CATSPERT: variants seen among roughly 807,000 people sequenced by gnomAD.
The protein encoded by CATSPERT is catsper channel auxiliary subunit tau, also known as cation channel sperm-associated targeting subunit tau.
the CATSPERT span, among the ~76,000 whole-genome samples, chr2:201,590,053 T>C: frequency 6.6e-6 from 1 of 152,090 alleles, no homozygotes; most frequent in East Asian, 1.9e-4. Context: ...GTTACATATG[T>C]ATACATGTGC....
chr2:201,519,519 G>A, the CATSPERT span, among the ~76,000 whole-genome samples: 1 of 151,714 alleles, frequency 6.6e-6, no homozygotes, highest in Non-Finnish European at 1.5e-5. Context: ...CTAGCATAAG[G>A]AAATATATAA....
At chr2:201,595,643 C>T in the CATSPERT span, among the ~76,000 whole-genome samples, 29 of 151,320 alleles carry the variant, frequency 1.9e-4, no homozygotes, top group Non-Finnish European at 3.7e-4. Context: ...GCAGTCTGCC[C>T]GTTCTCAGAT....
chr2:201,546,744 C>T, the CATSPERT span, among the ~76,000 whole-genome samples: 1 of 152,122 alleles, frequency 6.6e-6, no homozygotes, highest in African/African-American at 2.4e-5. Context: ...AAACAGGAAA[C>T]TATGACACAG....
the CATSPERT span, among the ~76,000 whole-genome samples, chr2:201,606,035 A>G: frequency 1.3e-5 from 2 of 152,244 alleles, no homozygotes; most frequent in African/African-American, 2.4e-5. Context: ...AATGAGATAG[A>G]GAAAGAAGCA....
the CATSPERT span, among the ~76,000 whole-genome samples, chr2:201,503,146 T>C: frequency 6.6e-6 from 1 of 152,250 alleles, no homozygotes; most frequent in African/African-American, 2.4e-5. Context: ...CTTAACATTC[T>C]GTTCTATCAT....
chr2:201,556,078 T>C, the CATSPERT span: 1 of 152,200 alleles, frequency 6.6e-6, no homozygotes, highest in Non-Finnish European at 1.5e-5. Flanking sequence ...AATAAAACAA[T>C]AGAAGCTTAA....
chr2:201,584,652 G>A, the CATSPERT span, among the ~76,000 whole-genome samples: 5 of 151,852 alleles, frequency 3.3e-5, no homozygotes, highest in African/African-American at 7.2e-5. Context: ...GCATGGTGTC[G>A]CACGCCTGTA....
the CATSPERT span, among the ~76,000 whole-genome samples, chr2:201,565,131 C>T: frequency 4.0e-5 from 6 of 151,860 alleles, no homozygotes; most frequent in Non-Finnish European, 5.9e-5. Context: ...ACGAGACCTA[C>T]GAAATACACT....
the CATSPERT span, among the ~76,000 whole-genome samples, chr2:201,508,336 T>G: frequency 6.6e-6 from 1 of 152,220 alleles, no homozygotes; most frequent in African/African-American, 2.4e-5. Flanking sequence ...CTAAATGCAG[T>G]TAATTATTTA....
the CATSPERT span, among the ~76,000 whole-genome samples, chr2:201,602,441 A>G: frequency 6.6e-6 from 1 of 152,158 alleles, no homozygotes; most frequent in Admixed American, 6.5e-5. Flanking sequence ...TATATAAAAA[A>G]GAAACATCAA....
At chr2:201,506,159 C>G in the CATSPERT span, among the ~76,000 whole-genome samples, 32 of 152,136 alleles carry the variant, frequency 2.1e-4, no homozygotes, top group South Asian at 6.6e-3. Flanking sequence ...CCCAGCTACT[C>G]GGGAGGCTGA....
chr2:201,557,043 A>G, the CATSPERT span: 4 of 152,136 alleles, frequency 2.6e-5, no homozygotes, highest in Non-Finnish European at 5.9e-5. Flanking sequence ...TCCAGCTCTA[A>G]TATACATTTA....
the CATSPERT span, among the ~76,000 whole-genome samples, chr2:201,610,438 A>G: frequency 2.1e-5 from 3 of 145,450 alleles, no homozygotes; most frequent in African/African-American, 7.6e-5. Context: ...AGCCTGGGTG[A>G]CAGTGCGAGA....
At chr2:201,533,757 C>A in the CATSPERT span, among the ~76,000 whole-genome samples, 3 of 152,064 alleles carry the variant, frequency 2.0e-5, no homozygotes, top group Non-Finnish European at 4.4e-5. Flanking sequence ...ATACCCCTCC[C>A]AAGATTTATG....
At chr2:201,502,332 G>A in the CATSPERT span, among the ~76,000 whole-genome samples, 1 of 152,092 alleles carries the variant, frequency 6.6e-6, no homozygotes, top group Non-Finnish European at 1.5e-5. Flanking sequence ...CCAGCACTTT[G>A]GGAGGCCGAC....
chr2:201,595,572 C>G, the CATSPERT span, among the ~76,000 whole-genome samples: 1 of 152,130 alleles, frequency 6.6e-6, no homozygotes, highest in African/African-American at 2.4e-5. Flanking sequence ...TCTGCCCCTG[C>G]TGGGGAGTGC....
At chr2:201,534,562 C>A in the CATSPERT span, 4 of 982,724 alleles carry the variant, frequency 4.1e-6, no homozygotes, top group Non-Finnish European at 4.8e-6. Flanking sequence ...AAAAAATGGA[C>A]AAAGGACATG....
chr2:201,492,386 C>A, the CATSPERT span: 1 of 1,534,014 alleles, frequency 6.5e-7, no homozygotes, highest in Non-Finnish European at 8.7e-7. Context: ...CTTAAATCAG[C>A]TTTTAGATGT....
the CATSPERT span, among the ~76,000 whole-genome samples, chr2:201,568,260 A>C: frequency 6.6e-6 from 1 of 152,276 alleles, no homozygotes; most frequent in African/African-American, 2.4e-5. Flanking sequence ...CTTCTTGCTC[A>C]CCAAGTCCAA....
Sources: allele counts gnomAD v4.1 joint callset (sites outside exome capture counted in the v4.1 genomes callset), GRCh38; gene constraint gnomAD v4.1.1; transcripts MANE v1.5; gene names NCBI Gene and HGNC (gene_info 2026-07-23, HGNC 2026-07-21).